The following NEB variants were observed in gnomAD, a reference collection of about 807,000 sequenced individuals.
NEB encodes the protein nemaline myopathy type 2.
NEB carries 512 observed loss-of-function variants against 952.2 expected under a neutral mutation model. The ratio of observed to expected loss-of-function variants is 0.54; its 90% CI spans 0.50 to 0.58. NEB has a LOEUF of 0.58. Among genes scored for constraint, NEB ranks in the 20% least tolerant of loss-of-function variants. The probability of loss-of-function intolerance (pLI) is 0.00; values close to 1 mark genes in which losing one functional copy is unlikely to be tolerated. For synonymous variants in NEB, 2,900 were observed against 3,149.8 expected (o/e 0.92, Z 2.66); for missense variants, 8,428 against 9,231.1 (o/e 0.91, Z 3.56).
intron 167 of NEB, among the ~76,000 whole-genome samples, chr2:151,501,685 A>G (rs1264559288): frequency 6.6e-6 from 1 of 152,232 alleles, no homozygotes; most frequent in Non-Finnish European, 1.5e-5. Context: ...AAAAGACATC[A>G]GTAAAACACA....
intron 122 of NEB, 41 bp from the exon 123 acceptor site, chr2:151,561,149 G>T (rs1208436870): frequency 6.4e-7 from 1 of 1,569,720 alleles, no homozygotes; most frequent in Admixed American, 1.7e-5. Flanking sequence ...TCTGTTGTTA[G>T]AAAATACATA....
At chr2:151,657,000 G>C (rs1386320072) in intron 48 of NEB, among the ~76,000 whole-genome samples, 1 of 152,076 alleles carries the variant, frequency 6.6e-6, no homozygotes, top group Non-Finnish European at 1.5e-5. Flanking sequence ...TTTCCTTTAA[G>C]ACTCTCTAAA....
chr2:151,716,408 A>T (rs186479631), intron 10 of NEB, among the ~76,000 whole-genome samples: 4 of 152,304 alleles, frequency 2.6e-5, no homozygotes, highest in Admixed American at 1.3e-4. Context: ...AAGTGCTGGG[A>T]TTACAGGTGT....
intron 157 of NEB, among the ~76,000 whole-genome samples, chr2:151,515,523 T>A (rs2077257243): frequency 6.6e-6 from 1 of 152,136 alleles, no homozygotes; most frequent in Non-Finnish European, 1.5e-5. Flanking sequence ...TTGACCTGTT[T>A]TTTAAAAATC....
intron 40 of NEB, among the ~76,000 whole-genome samples, chr2:151,666,826 T>C (rs565437315): frequency 6.6e-6 from 1 of 152,144 alleles, no homozygotes; most frequent in Non-Finnish European, 1.5e-5. Flanking sequence ...CTTCCCAAAG[T>C]GCTAGGATTA....
At chr2:151,655,712 C>T in intron 50 of NEB, 105 bp downstream of exon 50, 1 of 1,229,280 alleles carries the variant, frequency 8.1e-7, no homozygotes, top group Non-Finnish European at 1.2e-6. Flanking sequence ...TGGTTTGCCA[C>T]AGCCTAGGAA....
At chr2:151,492,531 C>A in intron 176 of NEB, 37 bp from the exon 177 acceptor site, 2 of 1,473,270 alleles carry the variant, frequency 1.4e-6, no homozygotes, top group Admixed American at 1.8e-5. Context: ...TGGTGCTGTC[C>A]TAAATCTGAA....
At chr2:151,694,713 T>A in intron 18 of NEB, 84 bp from the exon 19 acceptor site, 1 of 992,456 alleles carries the variant, frequency 1.0e-6, no homozygotes, top group Non-Finnish European at 1.5e-6. Context: ...ACTAAATACC[T>A]TATCTTAATA....
intron 153 of NEB, 113 bp from the exon 154 acceptor site, chr2:151,519,881 A>G (rs989357977): frequency 3.0e-6 from 2 of 671,798 alleles, no homozygotes. Flanking sequence ...GAGTGATCAT[A>G]TAATCTATTA....
At chr2:151,488,478 C>CAAA (rs567755362) in intron 181 of NEB, among the ~76,000 whole-genome samples, 3 of 95,754 alleles carry the variant, frequency 3.1e-5, no homozygotes, top group African/African-American at 7.7e-5. Context: ...GAGCCTCTAC[C>CAAA]AAAAAAAAAA....
In NEB at chr2:151,526,015, T is replaced by A. The variant is rs756011050; in HGVS notation, c.22104A>T (p.Thr7368=). The change falls in exon 150 of 182, where the codon ACA becomes ACT. Residue 7368 remains threonine (T), a synonymous_variant. Transcript: ENST00000397345. ...KKHLAQGSYT[T]LPETRDTVHV... The stretch of plus-strand genomic sequence containing the variant: ...GAACAGTGTCCCGGGTCTCTGGTAG[T>A]GTTGTGTATGAGCCCTGTGCCAAGT... 9 of 1,613,832 alleles carry A rather than the reference T, an allele frequency of 5.6e-6. No homozygotes were observed. The highest frequency in any genetic ancestry group is 1.6e-4 in the Middle Eastern group (1 of 6,084).
At chr2:151,654,919 T>G (rs1230300008) in intron 51 of NEB, among the ~76,000 whole-genome samples, 1 of 152,212 alleles carries the variant, frequency 6.6e-6, no homozygotes, top group Non-Finnish European at 1.5e-5. Flanking sequence ...ACTTCAGAGC[T>G]CAAGGGATCC....
rs2079482374 is a variant in NEB, at chr2:151,518,411, C to T, written c.22707G>A (p.Lys7569=). 1.2e-6 allele frequency: 2 copies of T among 1,604,070 alleles called. No homozygotes were observed. The highest frequency in any genetic ancestry group is 2.2e-5 in the East Asian group (1 of 44,814). Residue 7569 remains lysine, a synonymous_variant, in exon 156 of 182, where the codon AAG becomes AAA. Transcript: ENST00000397345. ...TSQLASSYQY[K]KKYEKSKGHY... is the part of the protein sequence containing the mutation. Reference sequence around the variant, plus strand: ...GGCCTTTACTCTTCTCATACTTCTTCTTGTACTGGTACTGAGGGGAAGGCG... The same window carrying T: ...GGCCTTTACTCTTCTCATACTTCTTTTTGTACTGGTACTGAGGGGAAGGCG...
intron 24 of NEB, chr2:151,690,226 C>CA (rs938204058): frequency 1.9e-5 from 3 of 161,200 alleles, no homozygotes; most frequent in African/African-American, 7.2e-5. Flanking sequence ...TTTCTTTGAC[C>CA]ACTCAATCTA....
intron 70 of NEB, among the ~76,000 whole-genome samples, chr2:151,626,537 C>T (rs2098528605): frequency 1.3e-5 from 2 of 151,910 alleles, no homozygotes; most frequent in Admixed American, 6.6e-5. Context: ...AATAGCTGTC[C>T]CATTCTTTTT....
At chr2:151,568,816 C>G (rs2096527184) in intron 110 of NEB, 100 bp from the exon 111 acceptor site, 9 of 836,554 alleles carry the variant, frequency 1.1e-5, no homozygotes, top group South Asian at 1.8e-5. Flanking sequence ...TAGAAACATA[C>G]AGTGCCGTAT....
chr2:151,727,147 G>C (rs2099794026), intron 5 of NEB, among the ~76,000 whole-genome samples: 1 of 151,994 alleles, frequency 6.6e-6, no homozygotes, highest in African/African-American at 2.4e-5. Flanking sequence ...ATTCCCAGGG[G>C]GTTCCAGTGT....
At position 151,568,055 on chromosome 2, in the gene NEB, C is replaced by T; in HGVS notation, c.17844+16G>A. ...GTCCCACTTTTGCAAAATGCACTCCCATCAGGATGTATTACCTCACTCTGA... is the reference window on the plus strand; with the variant it reads ...GTCCCACTTTTGCAAAATGCACTCCTATCAGGATGTATTACCTCACTCTGA... On this transcript the variant is annotated intron_variant, in intron 113 of 181. Transcript: ENST00000397345. 6.2e-7 allele frequency: 1 copy of T among 1,602,310 alleles called. No individual in the cohort carries two copies. Among genetic ancestry groups the T allele is most frequent in the Non-Finnish European group, 8.5e-7 (1 of 1,170,798 alleles).
At position 151,608,771 on chromosome 2, in the gene NEB, C is replaced by G. The variant is rs1224119610; in HGVS notation, c.12331-95G>C. Reference sequence around the variant, plus strand: ...TACAAAAATTAGCCGGGCATGGTGGCGCATGCCTGTAATCCCAGCTACTTG... The same window carrying G: ...TACAAAAATTAGCCGGGCATGGTGGGGCATGCCTGTAATCCCAGCTACTTG... On this transcript the variant is annotated intron_variant, in intron 81 of 181. Transcript: ENST00000397345. 5.2e-5 allele frequency: 5 copies of G among 96,678 alleles called. No homozygotes were observed. The East Asian group carries it at 1.4e-3, about 27-fold the overall frequency. The allele number at this position is 96,678 out of a possible 1,614,324, so 6.0% of individuals were successfully genotyped here.
Sources: gnomAD v4.1 joint callset for allele counts (sites outside exome capture counted in the v4.1 genomes callset) on GRCh38, gnomAD v4.1.1 for gene constraint, MANE v1.5 for transcripts, NCBI Gene and HGNC (gene_info 2026-07-23, HGNC 2026-07-21) for gene names.